Variants in JARID2 observed in about 807,000 individuals in gnomAD.
JARID2 encodes protein Jumonji.
Under a neutral mutation model 125.6 loss-of-function variants are expected in JARID2, and 21 were observed. The observed-to-expected ratio is 0.17, with a 90% CI of 0.12 to 0.24. JARID2 has a LOEUF of 0.24. JARID2 is among the 10% of genes least tolerant of loss of function. The pLI is 1.00. For synonymous variants in JARID2, 736 were observed against 661.6 expected, an observed-to-expected ratio of 1.11 and a Z score of -1.73; for missense variants, 1,303 against 1,639.6, an observed-to-expected ratio of 0.79 and a Z score of 3.55.
At chr6:15,384,210 C>G (rs374103216) in intron 2 of JARID2, among the ~76,000 whole-genome samples, 2 of 152,112 alleles carry the variant, frequency 1.3e-5, no homozygotes, top group Non-Finnish European at 2.9e-5. Context: ...CCTTAGCCTC[C>G]TGAGTAGCTT....
chr6:15,495,916 T>C (rs1416681347), intron 6 of JARID2, among the ~76,000 whole-genome samples: 2 of 152,218 alleles, frequency 1.3e-5, no homozygotes, highest in African/African-American at 4.8e-5. Flanking sequence ...AGGATAGGTA[T>C]ATAGTGGATT....
intron 3 of JARID2, among the ~76,000 whole-genome samples, chr6:15,446,060 C>G (rs932650835): frequency 2.0e-5 from 3 of 152,196 alleles, no homozygotes; most frequent in Admixed American, 2.0e-4. Flanking sequence ...ATGCACCAAT[C>G]TCCCTTTTCC....
At chr6:15,518,664 TAG>T (rs1771682069) in intron 17 of JARID2, among the ~76,000 whole-genome samples, 1 of 152,180 alleles carries the variant, frequency 6.6e-6, no homozygotes, top group African/African-American at 2.4e-5. Flanking sequence ...TTCTTTTTAG[TAG>T]AGACAGGGTT....
chr6:15,447,885 A>G (rs1239250706), intron 3 of JARID2, among the ~76,000 whole-genome samples: 6 of 152,202 alleles, frequency 3.9e-5, no homozygotes, highest in Admixed American at 3.9e-4. Flanking sequence ...GTGAGTTTTC[A>G]GCACATCCAA....
At chr6:15,482,096 GCTGA>G (rs1329790669) in intron 5 of JARID2, among the ~76,000 whole-genome samples, 4 of 152,232 alleles carry the variant, frequency 2.6e-5, no homozygotes, top group African/African-American at 7.2e-5. Context: ...GAAAGATACT[GCTGA>G]CTAACCACAG....
At chr6:15,316,264 C>A (rs1035050336) in intron 1 of JARID2, among the ~76,000 whole-genome samples, 1 of 152,018 alleles carries the variant, frequency 6.6e-6, no homozygotes, top group Admixed American at 6.6e-5. Context: ...GGACTACAGG[C>A]ACACGTATTT....
At chr6:15,331,290 C>T (rs1379647820) in intron 1 of JARID2, among the ~76,000 whole-genome samples, 1 of 151,578 alleles carries the variant, frequency 6.6e-6, no homozygotes, top group Non-Finnish European at 1.5e-5. Context: ...GTCATGATTG[C>T]ACCACTGCAC....
At chr6:15,495,474 C>CT (rs746378440) in intron 6 of JARID2, among the ~76,000 whole-genome samples, 6 of 152,218 alleles carry the variant, frequency 3.9e-5, no homozygotes, top group Non-Finnish European at 8.8e-5. Context: ...CAGGGCTCGT[C>CT]TCCACAAGGA....
At chr6:15,438,006 A>C (rs1397562959) in intron 3 of JARID2, among the ~76,000 whole-genome samples, 1 of 152,146 alleles carries the variant, frequency 6.6e-6, no homozygotes, top group East Asian at 1.9e-4. Flanking sequence ...TTGTTTTCCA[A>C]ACCCACACAG....
chr6:15,261,024 T>C (rs1167288602), intron 1 of JARID2, among the ~76,000 whole-genome samples: 1 of 152,160 alleles, frequency 6.6e-6, no homozygotes, highest in Non-Finnish European at 1.5e-5. Context: ...AAAAGCCTCT[T>C]GGGAGTATAA....
chr6:15,407,846 A>T (rs571385171), intron 2 of JARID2, among the ~76,000 whole-genome samples: 8 of 152,306 alleles, frequency 5.3e-5, no homozygotes, highest in African/African-American at 1.9e-4. Context: ...ATTAACCTGT[A>T]TCCCCAGTGC....
chr6:15,449,271 G>T (rs1450967366), intron 3 of JARID2, among the ~76,000 whole-genome samples: 1 of 152,008 alleles, frequency 6.6e-6, no homozygotes, highest in African/African-American at 2.4e-5. Context: ...ATAACACTAG[G>T]GAATTTCTGT....
At position 15,316,105 on chromosome 6, in the gene JARID2, G is replaced by C. The variant is rs191400460; in HGVS notation, c.46-58012G>C. ...GTGGGGTCTGCTGGCTTGAAAACAT[G>C]TGTGAAATACAGATTCTATGGGTTT... On this transcript the variant is annotated intron_variant, in intron 1 of 17. Coordinates refer to ENST00000341776, the MANE Select transcript of JARID2 (RefSeq NM_004973.4). 3.3e-5 allele frequency among the ~76,000 whole-genome samples: 5 copies of C among 152,044 alleles called. No homozygotes were observed. In the East Asian group the frequency reaches 9.7e-4, roughly 29 times the overall value.
chr6:15,318,457 C>T (rs1265212218), intron 1 of JARID2, among the ~76,000 whole-genome samples: 2 of 152,186 alleles, frequency 1.3e-5, no homozygotes, highest in Non-Finnish European at 2.9e-5. Flanking sequence ...GCAAGAACTT[C>T]CAGGTTTTTG....
At chr6:15,425,131 A>G (rs776687722) in intron 3 of JARID2, among the ~76,000 whole-genome samples, 1 of 152,174 alleles carries the variant, frequency 6.6e-6, no homozygotes, top group Admixed American at 6.5e-5. Context: ...AAATAAGTCA[A>G]TGAAGAGCCA....
chr6:15,373,752 A>T (rs1004705396), intron 1 of JARID2, among the ~76,000 whole-genome samples: 1 of 152,222 alleles, frequency 6.6e-6, no homozygotes, highest in Non-Finnish European at 1.5e-5. Context: ...TCACTTTATA[A>T]AACTCAAGTA....
In JARID2 at chr6:15,520,755, G is replaced by A. The variant is rs1354116791; in HGVS notation, c.*504G>A. ...GGCTGTCGTCTTCTGCCGTGTGCCA[G>A]ATGAGCTTGTGATCTGGGAAGCCGG... On this transcript the variant is annotated 3_prime_UTR_variant, in exon 18 of 18. Coordinates refer to ENST00000341776, the MANE Select transcript of JARID2 (RefSeq NM_004973.4). The A allele has an allele frequency of 2.2e-6, 1 of 455,872 alleles. No homozygotes were observed. Among genetic ancestry groups the A allele is most frequent in the African/African-American group, 2.0e-5 (1 of 50,052 alleles). The allele number at this position is 455,872 out of a possible 1,614,324, so 28.2% of individuals were successfully genotyped here. A position where few individuals can be genotyped will look rare whatever the true frequency, so the allele number is the denominator to read the frequency against.
intron 3 of JARID2, among the ~76,000 whole-genome samples, chr6:15,419,821 A>T (rs1275972427): frequency 1.3e-5 from 2 of 152,164 alleles, no homozygotes; most frequent in African/African-American, 4.8e-5. Context: ...GTTTTAGGCA[A>T]TTTGATACGA....
At chr6:15,465,814 GTTTT>G (rs1177497133) in intron 4 of JARID2, among the ~76,000 whole-genome samples, 1,543 of 144,842 alleles carry the variant, frequency 0.011, 30 homozygotes, top group African/African-American at 0.036. Flanking sequence ...TTGTTTGTTT[GTTTT>G]TTTGAGACGG....
Sources: gnomAD v4.1 joint callset for allele counts (sites outside exome capture counted in the v4.1 genomes callset) on GRCh38, gnomAD v4.1.1 for gene constraint, MANE v1.5 for transcripts, NCBI Gene and HGNC (gene_info 2026-07-23, HGNC 2026-07-21) for gene names.